Variants in STK10 observed in about 807,000 individuals in gnomAD.
STK10 encodes serine/threonine kinase 10, also known as serine/threonine-protein kinase 10.
A neutral mutation model predicts 113.8 loss-of-function variants in STK10; 78 were observed. The ratio of observed to expected loss-of-function variants is 0.69; its 90% CI spans 0.57 to 0.83. STK10 has a LOEUF of 0.83. Ranked by LOEUF, STK10 falls within the 40% of genes least tolerant of loss-of-function variation. STK10 has a pLI of 0.00. For missense variants in STK10, 1,109 were observed against 1,280.1 expected (o/e 0.87, Z 2.04); for synonymous variants, 465 against 494.7 (o/e 0.94, Z 0.80).
At chr5:172,141,732 T>A (rs1377911777) in intron 2 of STK10, among the ~76,000 whole-genome samples, 1 of 152,088 alleles carries the variant, frequency 6.6e-6, no homozygotes, top group Non-Finnish European at 1.5e-5. Flanking sequence ...ACTCCTTGTT[T>A]CCCTGGCAAC....
At chr5:172,173,590 T>C (rs2082866295) in intron 1 of STK10, among the ~76,000 whole-genome samples, 1 of 152,208 alleles carries the variant, frequency 6.6e-6, no homozygotes, top group African/African-American at 2.4e-5. Flanking sequence ...GACCCCCCAG[T>C]AGCCCTGTGC....
At chr5:172,137,841 G>A (rs1472708832) in intron 2 of STK10, among the ~76,000 whole-genome samples, 15 of 137,870 alleles carry the variant, frequency 1.1e-4, no homozygotes, top group South Asian at 7.2e-4. Flanking sequence ...GCAGTGAGCC[G>A]AGATCACACC....
chr5:172,114,289 CGTGTGT>C (rs111441878), intron 4 of STK10, among the ~76,000 whole-genome samples: 162 of 138,830 alleles, frequency 1.2e-3, no homozygotes, highest in African/African-American at 4.4e-3. Flanking sequence ...TAGCTACTCT[CGTGTGT>C]GTGTGTGTGT....
intron 12 of STK10, among the ~76,000 whole-genome samples, chr5:172,067,177 C>T (rs1273556876): frequency 2.0e-5 from 3 of 151,894 alleles, no homozygotes; most frequent in East Asian, 3.9e-4. Context: ...GGCAAAAACC[C>T]GTCTCTACAG....
chr5:172,064,952 C>G, intron 12 of STK10, 140 bp from the exon 13 acceptor site: 1 of 804,760 alleles, frequency 1.2e-6, no homozygotes, highest in East Asian at 2.7e-5. Flanking sequence ...CTACGCGGCT[C>G]CCCACCAAGC....
chr5:172,172,492 G>A (rs1042897349), intron 1 of STK10, among the ~76,000 whole-genome samples: 2 of 152,234 alleles, frequency 1.3e-5, no homozygotes, highest in East Asian at 1.9e-4. Flanking sequence ...ACATCTGGCT[G>A]TGTGTCCTTG....
chr5:172,078,619 TAAAAAAAA>T (rs58823824), intron 12 of STK10, among the ~76,000 whole-genome samples: 3 of 72,876 alleles, frequency 4.1e-5, no homozygotes, highest in African/African-American at 7.3e-5. Context: ...GCCTCATCAT[TAAAAAAAA>T]AAAAAAAAAA....
chr5:172,178,382 C>T (rs1225294292), intron 1 of STK10, among the ~76,000 whole-genome samples: 7 of 152,160 alleles, frequency 4.6e-5, no homozygotes, highest in East Asian at 3.9e-4. Flanking sequence ...ATCACCATCC[C>T]GCCTGCCGTA....
intron 2 of STK10, among the ~76,000 whole-genome samples, chr5:172,134,412 G>T (rs1439617489): frequency 6.6e-6 from 1 of 151,978 alleles, no homozygotes; most frequent in Non-Finnish European, 1.5e-5. Flanking sequence ...CTGTTTCAAT[G>T]AGTTTTTTAA....
chr5:172,095,912 T>C (rs1014023777), intron 8 of STK10, among the ~76,000 whole-genome samples: 1 of 152,224 alleles, frequency 6.6e-6, no homozygotes, highest in Non-Finnish European at 1.5e-5. Context: ...ACAGGGTTTT[T>C]ACAAATTTAA....
chr5:172,072,678 A>G (rs919502497), intron 12 of STK10, among the ~76,000 whole-genome samples: 3 of 152,208 alleles, frequency 2.0e-5, no homozygotes, highest in Non-Finnish European at 4.4e-5. Flanking sequence ...TAATGATGAG[A>G]TATTGAATGC....
Position 172,061,249 on chromosome 5 carries a change from T to C in STK10, c.2102A>G (p.Lys701Arg), listed in dbSNP as rs1254772854. The stretch of plus-strand genomic sequence containing the variant: ...GGCCAGCTCCAGGTCCTCCTTCTGC[T>C]TGGCTACAAAGTCCCGGTCCTGTGG... ...KQLLDRDFVA[K>R]QKEDLELAMK... Residue 701 changes from lysine to arginine, a missense_variant, in exon 14 of 19, where the codon AAG becomes AGG. Lys to Arg is a conservative substitution (Grantham distance 26). This residue lies in a region of STK10 where 885 missense variants were observed against 991.1 expected (regional missense o/e 0.89). Transcript: ENST00000176763. 1 of 1,612,758 alleles carries C rather than the reference T, an allele frequency of 6.2e-7. No homozygotes were observed. Among genetic ancestry groups the C allele is most frequent in the Non-Finnish European group, 8.5e-7 (1 of 1,179,848 alleles).
chr5:172,105,380 C>G (rs1269268266), intron 7 of STK10, among the ~76,000 whole-genome samples: 1 of 152,068 alleles, frequency 6.6e-6, no homozygotes, highest in East Asian at 1.9e-4. Flanking sequence ...GTGGCACTGG[C>G]CACCCCCTGC....
At chr5:172,045,093 AC>A in intron 18 of STK10, 71 bp from the exon 19 acceptor site, 1 of 1,580,682 alleles carries the variant, frequency 6.3e-7, no homozygotes, top group Non-Finnish European at 8.6e-7. Flanking sequence ...CACTCACAGG[AC>A]CCCCACTGAC....
chr5:172,086,837 T>C (rs1009094776), intron 10 of STK10, among the ~76,000 whole-genome samples: 1 of 152,150 alleles, frequency 6.6e-6, no homozygotes, highest in African/African-American at 2.4e-5. Flanking sequence ...GTCTCCCCTT[T>C]TGACCCTGAG....
intron 2 of STK10, among the ~76,000 whole-genome samples, chr5:172,154,358 C>T (rs796791392): frequency 7.9e-5 from 12 of 152,268 alleles, no homozygotes; most frequent in African/African-American, 2.9e-4. Flanking sequence ...AATTACTTTA[C>T]CACCCTCATC....
chr5:172,115,419 C>T (rs1190972880), intron 4 of STK10, among the ~76,000 whole-genome samples: 1 of 152,176 alleles, frequency 6.6e-6, no homozygotes, highest in African/African-American at 2.4e-5. Flanking sequence ...AACCTACATG[C>T]ACAGAAAGCC....
intron 1 of STK10, among the ~76,000 whole-genome samples, chr5:172,180,090 G>T (rs1333193633): frequency 6.6e-6 from 1 of 152,210 alleles, no homozygotes; most frequent in African/African-American, 2.4e-5. Flanking sequence ...AGACAAAGGG[G>T]ACCTGTATTA....
intron 17 of STK10, 118 bp from the exon 18 acceptor site, chr5:172,053,160 T>C: frequency 1.3e-6 from 1 of 750,964 alleles, no homozygotes; most frequent in Non-Finnish European, 2.2e-6. Context: ...TTATTTCTTC[T>C]TGACTATAAA....
Sources: allele counts gnomAD v4.1 joint callset (sites outside exome capture counted in the v4.1 genomes callset), GRCh38; gene constraint gnomAD v4.1.1; regional missense constraint gnomAD v4.1.1; transcripts MANE v1.5; gene names NCBI Gene and HGNC (gene_info 2026-07-23, HGNC 2026-07-21).